The following GALNT14 variants were observed in gnomAD, a reference collection of about 807,000 sequenced individuals.
GALNT14 encodes polypeptide N-acetylgalactosaminyltransferase 14.
GALNT14 carries 60 observed loss-of-function variants against 77.5 expected under a neutral mutation model. The ratio of observed to expected loss-of-function variants is 0.77; its 90% CI spans 0.63 to 0.96. The LOEUF (loss-of-function observed/expected upper bound fraction) is 0.96, where lower values mean the gene tolerates loss of function less well. GALNT14 is among the 40% of genes least tolerant of loss of function. The pLI is 0.00. For missense variants in GALNT14, 710 were observed against 731.0 expected (o/e 0.97, Z 0.33); for synonymous variants, 280 against 281.7 (o/e 0.99, Z 0.06).
chr2:30,912,861 A>C (rs1156988609), intron 13 of GALNT14, among the ~76,000 whole-genome samples: 1 of 152,210 alleles, frequency 6.6e-6, no homozygotes, highest in Non-Finnish European at 1.5e-5. Context: ...GGCAGATGGA[A>C]GGATAAATGG....
chr2:30,973,315 C>T (rs1034922178), intron 2 of GALNT14, among the ~76,000 whole-genome samples: 1 of 152,200 alleles, frequency 6.6e-6, no homozygotes, highest in Non-Finnish European at 1.5e-5. Flanking sequence ...TAGACAATGC[C>T]TCATCCCTTC....
chr2:30,978,964 C>G (rs79172771), intron 2 of GALNT14, among the ~76,000 whole-genome samples: 1,645 of 152,272 alleles, frequency 0.011, 33 homozygotes, highest in African/African-American at 0.038. Context: ...CACCCTCCAC[C>G]CAGACTCCCA....
At chr2:30,951,631 C>T (rs930381410) in intron 6 of GALNT14, among the ~76,000 whole-genome samples, 2 of 152,218 alleles carry the variant, frequency 1.3e-5, no homozygotes, top group African/African-American at 4.8e-5. Flanking sequence ...TATTTTACAA[C>T]ACAACACACA....
intron 1 of GALNT14, among the ~76,000 whole-genome samples, chr2:31,041,008 G>A (rs1319593579): frequency 6.6e-6 from 1 of 152,170 alleles, no homozygotes; most frequent in Non-Finnish European, 1.5e-5. Flanking sequence ...TAGCACAATA[G>A]ACACCATCTG....
intron 1 of GALNT14, among the ~76,000 whole-genome samples, chr2:31,042,860 T>C (rs1016417563): frequency 2.0e-5 from 3 of 152,182 alleles, no homozygotes; most frequent in African/African-American, 7.2e-5. Context: ...AAAGTCTATT[T>C]GCAATACAAC....
chr2:30,975,698 T>C (rs1668587781), intron 2 of GALNT14, among the ~76,000 whole-genome samples: 1 of 152,226 alleles, frequency 6.6e-6, no homozygotes, highest in Admixed American at 6.5e-5. Flanking sequence ...AATTGGTATA[T>C]AATACAAATT....
Position 31,061,038 on chromosome 2 carries a change from C to G in GALNT14, c.130-68031G>C, listed in dbSNP as rs10174237. On this transcript the variant is annotated intron_variant, in intron 1 of 14. Transcript: ENST00000349752. ...CTTTCCTTTTTCATTGTTGGTGTTT[C>G]TCTTCTGCCATTCAAGTGATCCCTG... Among the ~76,000 whole-genome samples, 601 of 152,236 alleles carry G rather than the reference C, an allele frequency of 3.9e-3. 4 individuals are homozygous for G. The highest frequency in any genetic ancestry group is 0.014 in the African/African-American group (564 of 41,530).
chr2:31,094,781 T>C (rs189919915), intron 1 of GALNT14, among the ~76,000 whole-genome samples: 16 of 152,276 alleles, frequency 1.1e-4, no homozygotes, highest in Non-Finnish European at 1.6e-4. Context: ...GTAAGGTGAA[T>C]ACCAGATGAG....
intron 1 of GALNT14, among the ~76,000 whole-genome samples, chr2:31,093,539 G>A (rs748264003): frequency 1.7e-4 from 26 of 152,138 alleles, no homozygotes; most frequent in Non-Finnish European, 3.4e-4. Context: ...TGTCTGGGGA[G>A]CCTGGGACTA....
chr2:31,050,297 G>A (rs1042548519), intron 1 of GALNT14, among the ~76,000 whole-genome samples: 1 of 152,212 alleles, frequency 6.6e-6, no homozygotes, highest in East Asian at 1.9e-4. Flanking sequence ...ATTAGTTGTT[G>A]TAAAATATTT....
intron 3 of GALNT14, among the ~76,000 whole-genome samples, chr2:30,960,586 G>A (rs1209030264): frequency 6.6e-6 from 1 of 152,092 alleles, no homozygotes. Flanking sequence ...CAATTGGAGC[G>A]ATGGCGGAGT....
At chr2:30,993,131 G>T in intron 1 of GALNT14, 124 bp from the exon 2 acceptor site, 1 of 925,406 alleles carries the variant, frequency 1.1e-6, no homozygotes, top group Non-Finnish European at 1.6e-6. Context: ...CAAAGATGGG[G>T]TCAGAAGCAG....
intron 1 of GALNT14, among the ~76,000 whole-genome samples, chr2:31,086,424 C>T (rs899846313): frequency 2.0e-5 from 3 of 152,102 alleles, no homozygotes; most frequent in Non-Finnish European, 4.4e-5. Context: ...TTTCCTTTCC[C>T]TCCCGTGCCA....
chr2:31,065,460 G>A (rs1199084049), intron 1 of GALNT14: 5 of 152,162 alleles, frequency 3.3e-5, no homozygotes, highest in Non-Finnish European at 7.3e-5. Context: ...AAGAATTAAG[G>A]CAAATTAAAT....
At chr2:31,028,838 G>A (rs1260263848) in intron 1 of GALNT14, among the ~76,000 whole-genome samples, 2 of 152,148 alleles carry the variant, frequency 1.3e-5, no homozygotes, top group Non-Finnish European at 1.5e-5. Context: ...ATATCTAGTG[G>A]GGAAGCGAAG....
chr2:31,094,511 C>T (rs936260446), intron 1 of GALNT14, among the ~76,000 whole-genome samples: 1 of 152,198 alleles, frequency 6.6e-6, no homozygotes, highest in African/African-American at 2.4e-5. Context: ...CCACAGGAAA[C>T]AGACATGGGC....
At chr2:31,137,860 C>G in intron 1 of GALNT14, 98 bp downstream of exon 1, 1 of 1,469,874 alleles carries the variant, frequency 6.8e-7, no homozygotes, top group Admixed American at 2.2e-5. Flanking sequence ...CACCCAGACC[C>G]TCGCCCTGGT....
At chr2:30,887,854 C>G in the GALNT14 span, among the ~76,000 whole-genome samples, 1 of 152,132 alleles carries the variant, frequency 6.6e-6, no homozygotes, top group Non-Finnish European at 1.5e-5. Context: ...ACTCTTAGGT[C>G]ATTGATACCT....
chr2:31,125,920 C>T (rs1678679655), intron 1 of GALNT14, among the ~76,000 whole-genome samples: 1 of 152,152 alleles, frequency 6.6e-6, no homozygotes, highest in Admixed American at 6.5e-5. Context: ...TGGTTAATTC[C>T]TCAGTGTCCT....
Sources: allele counts gnomAD v4.1 joint callset (sites outside exome capture counted in the v4.1 genomes callset), GRCh38; gene constraint gnomAD v4.1.1; transcripts MANE v1.5; gene names NCBI Gene and HGNC (gene_info 2026-07-23, HGNC 2026-07-21).